The following TEC variants were observed in gnomAD, a reference collection of about 807,000 sequenced individuals.
The protein encoded by TEC is tyrosine-protein kinase Tec.
Under a neutral mutation model 93.0 loss-of-function variants are expected in TEC, and 72 were observed. The observed-to-expected ratio is 0.77, with a 90% CI of 0.64 to 0.94. The LOEUF (loss-of-function observed/expected upper bound fraction) is 0.94, where lower values mean the gene tolerates loss of function less well. TEC is among the 40% of genes least tolerant of loss of function. The pLI is 0.00. For synonymous variants in TEC, 249 were observed against 247.7 expected (o/e 1.01, Z -0.05); for missense variants, 630 against 757.9 (o/e 0.83, Z 1.98).
chr4:48,147,734 A>G (rs1719978733), intron 11 of TEC, among the ~76,000 whole-genome samples: 1 of 152,306 alleles, frequency 6.6e-6, no homozygotes, highest in African/African-American at 2.4e-5. Context: ...TAAGAGTTAA[A>G]TGTAGACTTG....
At chr4:48,176,499 T>C (rs1210217416) in intron 2 of TEC, among the ~76,000 whole-genome samples, 10 of 152,118 alleles carry the variant, frequency 6.6e-5, no homozygotes. Flanking sequence ...GGCGGGTGGA[T>C]TACTTGAGGC....
At chr4:48,215,482 G>A (rs1160867379) in intron 2 of TEC, among the ~76,000 whole-genome samples, 1 of 152,188 alleles carries the variant, frequency 6.6e-6, no homozygotes, top group Non-Finnish European at 1.5e-5. Context: ...ACTCCAGTCT[G>A]GGCAATAGAG....
chr4:48,234,741 AG>A (rs1055133509), intron 1 of TEC, among the ~76,000 whole-genome samples: 7 of 152,316 alleles, frequency 4.6e-5, no homozygotes, highest in African/African-American at 1.7e-4. Flanking sequence ...GTGTGAGAGC[AG>A]GAAGTATGCT....
intron 1 of TEC, among the ~76,000 whole-genome samples, chr4:48,256,614 A>G (rs1023836605): frequency 1.4e-4 from 22 of 151,848 alleles, no homozygotes; most frequent in Middle Eastern, 3.4e-3. Flanking sequence ...AAAAAAAAAA[A>G]AAAAGTCTTT....
intron 2 of TEC, among the ~76,000 whole-genome samples, chr4:48,186,220 C>A (rs955839577): frequency 2.0e-5 from 3 of 152,202 alleles, no homozygotes; most frequent in African/African-American, 7.2e-5. Flanking sequence ...CCTCCACCTC[C>A]CAGCCGCCTG....
At chr4:48,265,724 A>T (rs1035820005) in intron 1 of TEC, among the ~76,000 whole-genome samples, 28 of 151,810 alleles carry the variant, frequency 1.8e-4, no homozygotes, top group African/African-American at 6.5e-4. Context: ...TGTTGTCCAG[A>T]CTGGTCTCGA....
chr4:48,249,741 T>G lies in TEC; in HGVS notation c.-46+20011A>C, dbSNP rs1050982343. ...TCAGATTACTATAACTAAGAATTAC[T>G]AAGACCCTGGCAGGTGTCCTTTCAG... On this transcript the variant is annotated intron_variant, in intron 1 of 17. Transcript: ENST00000381501. Among the ~76,000 whole-genome samples the G allele has an allele frequency of 2.6e-5, 4 of 152,250 alleles. No homozygotes were observed. The South Asian group carries it at 8.3e-4, about 31-fold the overall frequency.
Position 48,167,870 on chromosome 4 carries a change from T to A in TEC, c.579A>T (p.Ala193=), listed in dbSNP as rs1720934867. The A allele has an allele frequency of 6.2e-7, 1 of 1,613,836 alleles. No homozygotes were observed. The highest frequency in any genetic ancestry group is 1.1e-5 in the South Asian group (1 of 91,072). ...TCTCTAATCTGAGATCATGTCCTTCTGCTGCTTGGAAATCATACATGGCTA... is the reference window on the plus strand; with the variant it reads ...TCTCTAATCTGAGATCATGTCCTTCAGCTGCTTGGAAATCATACATGGCTA... ...IVVAMYDFQA[A]EGHDLRLERG... Residue 193 remains alanine, a synonymous_variant, in exon 7 of 18, where the codon GCA becomes GCT. Coordinates refer to ENST00000381501, the MANE Select transcript of TEC (RefSeq NM_003215.3).
intron 1 of TEC, among the ~76,000 whole-genome samples, chr4:48,240,956 GA>G (rs562900459): frequency 3.4e-5 from 5 of 145,632 alleles, no homozygotes; most frequent in East Asian, 2.0e-4. Flanking sequence ...TCCCTAACAG[GA>G]AAAAAAAAAC....
intron 2 of TEC, among the ~76,000 whole-genome samples, chr4:48,179,910 G>T (rs1721517360): frequency 6.6e-6 from 1 of 152,108 alleles, no homozygotes; most frequent in African/African-American, 2.4e-5. Flanking sequence ...AGAATGTCTG[G>T]CCCATCTGCA....
chr4:48,160,378 C>T (rs1720579774), intron 8 of TEC, among the ~76,000 whole-genome samples: 1 of 152,082 alleles, frequency 6.6e-6, no homozygotes. Context: ...CTGGGAACAA[C>T]CATGTTGCCA....
chr4:48,176,298 T>C, intron 2 of TEC, 112 bp from the exon 3 acceptor site: 1 of 712,242 alleles, frequency 1.4e-6, no homozygotes, highest in Admixed American at 2.5e-5. Context: ...TTCTTTAAAA[T>C]TATCTAAATC....
chr4:48,253,956 G>A (rs1223503322), intron 1 of TEC, among the ~76,000 whole-genome samples: 1 of 152,044 alleles, frequency 6.6e-6, no homozygotes, highest in Non-Finnish European at 1.5e-5. Flanking sequence ...AAATGTACCA[G>A]GTCTTTTCAT....
chr4:48,257,926 A>G (rs1724388329), intron 1 of TEC, among the ~76,000 whole-genome samples: 1 of 152,230 alleles, frequency 6.6e-6, no homozygotes. Flanking sequence ...CAGTGAAAAA[A>G]TTATCTTAGA....
At chr4:48,208,020 C>G (rs1349126416) in intron 2 of TEC, among the ~76,000 whole-genome samples, 1 of 152,074 alleles carries the variant, frequency 6.6e-6, no homozygotes, top group African/African-American at 2.4e-5. Flanking sequence ...CGATGAGGAC[C>G]CCAGTGAGAA....
Position 48,228,128 on chromosome 4 carries a change from A to C in TEC, c.138+349T>G, listed in dbSNP as rs186891030. The stretch of plus-strand genomic sequence containing the variant: ...TCTACTTAATAAAGAAGAAATATTC[A>C]TATAAAGTAATGGACTTGGATACAA... On this transcript the variant is annotated intron_variant, in intron 2 of 17. Coordinates refer to ENST00000381501, the MANE Select transcript of TEC (RefSeq NM_003215.3). Among the ~76,000 whole-genome samples the C allele has an allele frequency of 1.2e-4, 18 of 152,396 alleles. No homozygotes were observed. The East Asian group carries it at 2.9e-3, about 24-fold the overall frequency.
intron 14 of TEC, 127 bp from the exon 15 acceptor site, chr4:48,141,546 T>A: frequency 1.1e-6 from 1 of 872,284 alleles, no homozygotes; most frequent in Non-Finnish European, 1.7e-6. Context: ...GAAACACCCT[T>A]TAATAAGTTG....
intron 2 of TEC, among the ~76,000 whole-genome samples, chr4:48,213,750 G>T (rs1027389980): frequency 6.6e-6 from 1 of 152,076 alleles, no homozygotes; most frequent in Non-Finnish European, 1.5e-5. Context: ...TTGGGGGAGA[G>T]ATTAATACTA....
intron 10 of TEC, among the ~76,000 whole-genome samples, chr4:48,150,655 C>T (rs932414824): frequency 1.2e-4 from 19 of 152,034 alleles, no homozygotes; most frequent in Non-Finnish European, 1.5e-4. Context: ...TATAGCCATA[C>T]TCAACAAATA....
Sources: allele counts gnomAD v4.1 joint callset (sites outside exome capture counted in the v4.1 genomes callset), GRCh38; gene constraint gnomAD v4.1.1; transcripts MANE v1.5; gene names NCBI Gene and HGNC (gene_info 2026-07-23, HGNC 2026-07-21).